The following BBX variants were observed in gnomAD, a reference collection of about 807,000 sequenced individuals.
BBX encodes the protein BBX high mobility group box domain containing, also known as HMG box transcription factor BBX.
Under a neutral mutation model 100.2 loss-of-function variants are expected in BBX, and 30 were observed. The observed-to-expected ratio is 0.30, with a 90% CI of 0.22 to 0.41. BBX has a LOEUF of 0.41. Ranked by LOEUF, BBX falls within the 10% of genes least tolerant of loss-of-function variation. BBX has a pLI of 1.00. For missense variants in BBX, 1,023 were observed against 1,129.8 expected, an observed-to-expected ratio of 0.91 and a Z score of 1.35; for synonymous variants, 376 against 388.1, an observed-to-expected ratio of 0.97 and a Z score of 0.37.
At chr3:107,727,280 C>T (rs2063016009) in intron 5 of BBX, among the ~76,000 whole-genome samples, 1 of 152,056 alleles carries the variant, frequency 6.6e-6, no homozygotes, top group Non-Finnish European at 1.5e-5. Flanking sequence ...CCATTTTCAC[C>T]TCACCCTACC....
intron 2 of BBX, among the ~76,000 whole-genome samples, chr3:107,559,637 T>TAG (rs1318118252): frequency 1.7e-4 from 26 of 152,338 alleles, no homozygotes; most frequent in African/African-American, 6.3e-4. Flanking sequence ...TATGTAGATT[T>TAG]AGAGAACTTC....
At chr3:107,624,918 G>C (rs541915293) in intron 2 of BBX, among the ~76,000 whole-genome samples, 1 of 152,292 alleles carries the variant, frequency 6.6e-6, no homozygotes, top group Admixed American at 6.5e-5. Flanking sequence ...AACATTCATA[G>C]TTTGCTCCTG....
intron 3 of BBX, among the ~76,000 whole-genome samples, chr3:107,661,090 G>C (rs2058422662): frequency 6.6e-6 from 1 of 152,046 alleles, no homozygotes. Flanking sequence ...TCAAGTGACT[G>C]TTCACTTAAT....
chr3:107,557,085 TTGAG>T (rs2050142613), intron 2 of BBX, among the ~76,000 whole-genome samples: 1 of 152,204 alleles, frequency 6.6e-6, no homozygotes, highest in African/African-American at 2.4e-5. Context: ...TGTATACAGT[TTGAG>T]TATTAACAAA....
At chr3:107,668,515 C>T (rs915002336) in intron 3 of BBX, among the ~76,000 whole-genome samples, 32 of 152,254 alleles carry the variant, frequency 2.1e-4, no homozygotes, top group African/African-American at 7.7e-4. Flanking sequence ...ATTGGGCTTG[C>T]GTTTTCATCC....
chr3:107,778,658 A>G, intron 13 of BBX, 139 bp downstream of exon 13: 1 of 957,576 alleles, frequency 1.0e-6, no homozygotes, highest in South Asian at 1.7e-5. Context: ...TTGCTTTCCA[A>G]GATTATCTTT....
At chr3:107,673,002 A>G (rs59002324) in intron 3 of BBX, among the ~76,000 whole-genome samples, 10,894 of 152,006 alleles carry the variant, frequency 0.072, 504 homozygotes, top group Non-Finnish European at 0.086. Context: ...ACCTTGAGCA[A>G]ATTTCTTAAT....
At chr3:107,598,190 A>AG (rs1179129295) in intron 2 of BBX, among the ~76,000 whole-genome samples, 1 of 152,162 alleles carries the variant, frequency 6.6e-6, no homozygotes, top group East Asian at 1.9e-4. Flanking sequence ...AAGAATTTCT[A>AG]GGGGGTGTGT....
chr3:107,788,302 G>T (rs1207955863), intron 13 of BBX, among the ~76,000 whole-genome samples: 2 of 152,114 alleles, frequency 1.3e-5, no homozygotes, highest in African/African-American at 4.8e-5. Context: ...AGAGAAGGTG[G>T]TATCCTAGAA....
intron 17 of BBX, among the ~76,000 whole-genome samples, chr3:107,803,524 G>A (rs1045379349): frequency 2.0e-5 from 3 of 152,154 alleles, no homozygotes; most frequent in East Asian, 1.9e-4. Flanking sequence ...AAAATCTAAC[G>A]TTAGGTTCAG....
At chr3:107,663,894 C>T (rs1001279715) in intron 3 of BBX, among the ~76,000 whole-genome samples, 4 of 151,702 alleles carry the variant, frequency 2.6e-5, no homozygotes, top group Admixed American at 6.6e-5. Flanking sequence ...CAAGCTCTGC[C>T]TCCCGGGTTC....
chr3:107,702,516 T>C (rs1490455945), intron 3 of BBX, among the ~76,000 whole-genome samples: 1 of 152,214 alleles, frequency 6.6e-6, no homozygotes, highest in African/African-American at 2.4e-5. Flanking sequence ...AGAGAAGTAT[T>C]GTTTCTATGT....
At chr3:107,723,895 G>T (rs1199408691) in intron 5 of BBX, among the ~76,000 whole-genome samples, 1 of 152,140 alleles carries the variant, frequency 6.6e-6, no homozygotes, top group African/African-American at 2.4e-5. Flanking sequence ...CTTTATAGCA[G>T]CACGATTTAT....
rs140687617 is a variant in BBX, at chr3:107,799,067, G to A, written c.2551+347G>A. Among the ~76,000 whole-genome samples, 12 of 151,392 alleles carry A rather than the reference G, an allele frequency of 7.9e-5. No individual in the cohort carries two copies. The East Asian group carries it at 1.6e-3, about 20-fold the overall frequency. On this transcript the variant is annotated intron_variant, in intron 16 of 17. Transcript: ENST00000325805. ...TGGGAGGCTGAGGCAGGAGAATGGC[G>A]TGAACCCGAGAGTCGGAGGTTGCAG...
At chr3:107,582,037 A>T (rs1365352255) in intron 2 of BBX, among the ~76,000 whole-genome samples, 1 of 151,902 alleles carries the variant, frequency 6.6e-6, no homozygotes, top group Non-Finnish European at 1.5e-5. Flanking sequence ...TTTATTTTTA[A>T]TGTTTTCCCC....
intron 2 of BBX, among the ~76,000 whole-genome samples, chr3:107,550,668 A>G (rs1376626777): frequency 6.6e-6 from 1 of 152,190 alleles, no homozygotes; most frequent in Non-Finnish European, 1.5e-5. Context: ...AAGTAAGATC[A>G]GGGTCAGATC....
chr3:107,702,284 A>C (rs924702542), intron 3 of BBX, among the ~76,000 whole-genome samples: 3 of 152,232 alleles, frequency 2.0e-5, no homozygotes, highest in Non-Finnish European at 2.9e-5. Context: ...AAATAACCAG[A>C]GAAAGGAATA....
At chr3:107,690,905 T>C (rs2060129402) in intron 3 of BBX, among the ~76,000 whole-genome samples, 2 of 129,610 alleles carry the variant, frequency 1.5e-5, no homozygotes, top group African/African-American at 5.7e-5. Context: ...TTTTTTTTTT[T>C]TTTTTTTTTT....
intron 2 of BBX, among the ~76,000 whole-genome samples, chr3:107,626,416 A>G (rs935847864): frequency 6.6e-6 from 1 of 152,218 alleles, no homozygotes; most frequent in Non-Finnish European, 1.5e-5. Context: ...AAAACAATGA[A>G]CATTCATTCT....
Sources: allele counts gnomAD v4.1 joint callset (sites outside exome capture counted in the v4.1 genomes callset), GRCh38; gene constraint gnomAD v4.1.1; transcripts MANE v1.5; gene names NCBI Gene and HGNC (gene_info 2026-07-23, HGNC 2026-07-21).